Variants in MRPS28 observed in about 807,000 individuals in gnomAD.
MRPS28 encodes the protein small ribosomal subunit protein bS1m.
MRPS28 carries 7 observed loss-of-function variants against 10.8 expected under a neutral mutation model. That is an observed-to-expected ratio of 0.65 (90% CI 0.37 to 1.22). The LOEUF (loss-of-function observed/expected upper bound fraction) is 1.22, where lower values mean the gene tolerates loss of function less well. Among genes scored for constraint, MRPS28 ranks in the 50% most tolerant of loss-of-function variants. MRPS28 has a pLI of 0.02. For synonymous variants in MRPS28, 121 were observed against 93.3 expected, an observed-to-expected ratio of 1.30 and a Z score of -1.71; for missense variants, 265 against 232.9, an observed-to-expected ratio of 1.14 and a Z score of -0.90.
At chr8:80,028,492 C>A (rs564109907) in intron 1 of MRPS28, among the ~76,000 whole-genome samples, 9 of 151,956 alleles carry the variant, frequency 5.9e-5, no homozygotes, top group Non-Finnish European at 8.8e-5. Context: ...ACAAAGACAT[C>A]CACATCCTAA....
intron 2 of MRPS28, among the ~76,000 whole-genome samples, chr8:79,994,333 C>T (rs1297087127): frequency 6.6e-6 from 1 of 152,068 alleles, no homozygotes; most frequent in Non-Finnish European, 1.5e-5. Context: ...AGTATTATGA[C>T]CTTGAATGGA....
At chr8:80,020,936 T>C (rs1341236754) in intron 1 of MRPS28, among the ~76,000 whole-genome samples, 1 of 152,082 alleles carries the variant, frequency 6.6e-6, no homozygotes, top group Non-Finnish European at 1.5e-5. Context: ...AATGTTTTTA[T>C]GTGTAAATGC....
intron 2 of MRPS28, among the ~76,000 whole-genome samples, chr8:79,952,558 C>T (rs932924229): frequency 6.6e-6 from 1 of 152,156 alleles, no homozygotes; most frequent in African/African-American, 2.4e-5. Context: ...GGGCTGGAAC[C>T]TCCTCTCCAC....
intron 2 of MRPS28, among the ~76,000 whole-genome samples, chr8:79,940,096 T>A (rs930422861): frequency 6.6e-6 from 1 of 152,140 alleles, no homozygotes; most frequent in East Asian, 1.9e-4. Context: ...TGAAAGCTGA[T>A]TTCTGGGCCT....
chr8:79,921,357 T>C (rs917252979), intron 2 of MRPS28, among the ~76,000 whole-genome samples: 9 of 152,302 alleles, frequency 5.9e-5, no homozygotes, highest in African/African-American at 1.9e-4. Flanking sequence ...GGGGATGGCA[T>C]TGAATCTATA....
chr8:80,026,913 A>G (rs1201853651), intron 1 of MRPS28, among the ~76,000 whole-genome samples: 1 of 152,140 alleles, frequency 6.6e-6, no homozygotes, highest in Admixed American at 6.5e-5. Flanking sequence ...TCATTCATTA[A>G]GAAAAAAAAT....
chr8:79,991,738 AC>A (rs1385491946), intron 2 of MRPS28, among the ~76,000 whole-genome samples: 1 of 152,248 alleles, frequency 6.6e-6, no homozygotes. Flanking sequence ...GAAATTAAAT[AC>A]GTAAAATGCA....
rs145850497 is a variant in MRPS28 at position 79,932,420 on chromosome 8, G to A, written c.396-13272C>T. ...GCAGAGCTTTTCAGGCAGCAGCACC[G>A]TTGGTTCAAAGGCTCACGGTAGGGT... is the stretch of plus-strand genomic sequence containing the variant. On this transcript the variant is annotated intron_variant, in intron 2 of 2. Transcript: ENST00000276585. 3.3e-5 allele frequency among the ~76,000 whole-genome samples: 5 copies of A among 152,274 alleles called. No individual in the cohort carries two copies. The East Asian group carries it at 5.8e-4, about 18-fold the overall frequency.
At position 80,011,723 on chromosome 8, in the gene MRPS28, A is replaced by G. The variant is rs374614684; in HGVS notation, c.214-8543T>C. ...AGCCGAGATGGCACAACTGCACTCT[A>G]GCCTGGGCGACAGAGTGAGACTCTC... On this transcript the variant is annotated intron_variant, in intron 1 of 2. Transcript: ENST00000276585. Among the ~76,000 whole-genome samples, 23 of 152,218 alleles carry G rather than the reference A, an allele frequency of 1.5e-4. 1 individual carries two copies. The highest frequency in any genetic ancestry group is 4.8e-4 in the African/African-American group (20 of 41,556).
At chr8:79,968,676 G>A (rs1202718050) in intron 2 of MRPS28, among the ~76,000 whole-genome samples, 2 of 150,904 alleles carry the variant, frequency 1.3e-5, no homozygotes, top group Admixed American at 6.6e-5. Flanking sequence ...TCTCGCCTTA[G>A]GGAACTTCTA....
At chr8:79,966,065 G>C (rs1358352386) in intron 2 of MRPS28, among the ~76,000 whole-genome samples, 4 of 151,856 alleles carry the variant, frequency 2.6e-5, no homozygotes, top group East Asian at 1.9e-4. Context: ...TTGACCAAAG[G>C]TTCTCCTAAA....
At chr8:79,972,835 A>T (rs1468594815) in intron 2 of MRPS28, among the ~76,000 whole-genome samples, 1 of 152,256 alleles carries the variant, frequency 6.6e-6, no homozygotes, top group Non-Finnish European at 1.5e-5. Flanking sequence ...TGCTGAAATC[A>T]TATCAAAATA....
chr8:79,934,750 T>C (rs1350468889), intron 2 of MRPS28, among the ~76,000 whole-genome samples: 2 of 152,244 alleles, frequency 1.3e-5, no homozygotes, highest in African/African-American at 4.8e-5. Flanking sequence ...GTAAAGCATG[T>C]AAATCAGCAC....
intron 2 of MRPS28, among the ~76,000 whole-genome samples, chr8:79,955,172 G>C (rs1807174466): frequency 6.6e-6 from 1 of 152,094 alleles, no homozygotes; most frequent in South Asian, 2.1e-4. Flanking sequence ...TGCACCCTTG[G>C]ATTTCACCTT....
At chr8:79,979,914 G>GAAAAA (rs1563532038) in intron 2 of MRPS28, among the ~76,000 whole-genome samples, 1 of 8,808 alleles carries the variant, frequency 1.1e-4, no homozygotes, top group Non-Finnish European at 2.3e-4. Context: ...GGATTCTCAC[G>GAAAAA]CAAAAAAAAA....
chr8:80,002,009 G>C (rs150917928), intron 2 of MRPS28, among the ~76,000 whole-genome samples: 1 of 151,698 alleles, frequency 6.6e-6, no homozygotes, highest in Admixed American at 6.6e-5. Flanking sequence ...ATTAATCTGA[G>C]GAAATGTGTA....
chr8:79,985,357 T>C (rs766609319), intron 2 of MRPS28, among the ~76,000 whole-genome samples: 1 of 151,976 alleles, frequency 6.6e-6, no homozygotes, highest in Non-Finnish European at 1.5e-5. Flanking sequence ...AACATCACAA[T>C]TAGAAGAACT....
At chr8:80,008,218 A>G (rs1808920429) in intron 1 of MRPS28, among the ~76,000 whole-genome samples, 1 of 152,234 alleles carries the variant, frequency 6.6e-6, no homozygotes, top group African/African-American at 2.4e-5. Flanking sequence ...CTGGCTAGCC[A>G]TATGTAGAAA....
intron 1 of MRPS28, among the ~76,000 whole-genome samples, chr8:80,005,020 C>T (rs933537163): frequency 7.2e-5 from 11 of 152,208 alleles, no homozygotes; most frequent in East Asian, 3.9e-4. Context: ...TTGGTGTACC[C>T]AAAAGTGACG....
Sources: gnomAD v4.1 joint callset for allele counts (sites outside exome capture counted in the v4.1 genomes callset) on GRCh38, gnomAD v4.1.1 for gene constraint, MANE v1.5 for transcripts, NCBI Gene and HGNC (gene_info 2026-07-23, HGNC 2026-07-21) for gene names.